Variants in MYO1F observed in about 807,000 individuals in gnomAD.
The protein encoded by MYO1F is unconventional myosin-If.
A neutral mutation model predicts 146.6 loss-of-function variants in MYO1F; 60 were observed. The observed-to-expected ratio is 0.41, with a 90% CI of 0.33 to 0.51. MYO1F has a LOEUF of 0.51. MYO1F is among the 20% of genes least tolerant of loss of function. The probability of loss-of-function intolerance (pLI) is 0.25; values close to 1 mark genes in which losing one functional copy is unlikely to be tolerated. For missense variants in MYO1F, 1,274 were observed against 1,534.3 expected, an observed-to-expected ratio of 0.83 and a Z score of 2.83; for synonymous variants, 602 against 602.1, an observed-to-expected ratio of 1.00 and a Z score of 0.00.
At chr19:8,573,913 T>C (rs958206398) in intron 1 of MYO1F, among the ~76,000 whole-genome samples, 3 of 151,956 alleles carry the variant, frequency 2.0e-5, no homozygotes, top group Non-Finnish European at 4.4e-5. Flanking sequence ...CAACTACCAT[T>C]AGCAACCACA....
chr19:8,575,345 G>A (rs1347953813), intron 1 of MYO1F, among the ~76,000 whole-genome samples: 1 of 151,938 alleles, frequency 6.6e-6, no homozygotes, highest in Admixed American at 6.6e-5. Flanking sequence ...AAAGTGCTAG[G>A]ATTACAGGTG....
intron 24 of MYO1F, among the ~76,000 whole-genome samples, 153 bp downstream of exon 24, chr19:8,526,300 C>T (rs552572381): frequency 1.2e-4 from 18 of 152,286 alleles, no homozygotes; most frequent in Admixed American, 9.2e-4. Context: ...ACACTCCAGC[C>T]TGGGCGACAG....
chr19:8,548,449 C>CT, intron 10 of MYO1F, 132 bp from the exon 11 acceptor site: 1 of 803,264 alleles, frequency 1.2e-6, no homozygotes, highest in South Asian at 1.5e-5. Context: ...CTCCAGCCCT[C>CT]TTTAGCTCTG....
intron 1 of MYO1F, among the ~76,000 whole-genome samples, chr19:8,560,183 A>C (rs1974025443): frequency 6.6e-6 from 1 of 150,958 alleles, no homozygotes; most frequent in East Asian, 2.0e-4. Flanking sequence ...GGTCTATTCA[A>C]CAGCAAAGAA....
intron 1 of MYO1F, among the ~76,000 whole-genome samples, chr19:8,570,534 T>C (rs2042089205): frequency 6.6e-6 from 1 of 151,778 alleles, no homozygotes; most frequent in Non-Finnish European, 1.5e-5. Flanking sequence ...ACCTGGCTAA[T>C]TTTTGTGTTT....
At chr19:8,522,319 G>C (rs1438947663) in intron 27 of MYO1F, 58 bp downstream of exon 27, 7 of 1,609,272 alleles carry the variant, frequency 4.3e-6, no homozygotes, top group Non-Finnish European at 5.9e-6. Flanking sequence ...ACCGCGCCCG[G>C]CCGATGTCAG....
intron 4 of MYO1F, among the ~76,000 whole-genome samples, chr19:8,553,894 A>ACACACACTCTCTCTCTCTCT: frequency 1.6e-4 from 16 of 102,668 alleles, no homozygotes; most frequent in Middle Eastern, 4.7e-3. Context: ...ACACACACAC[A>ACACACACTCTCTCTCTCTCT]CTCTCTCTCT....
intron 16 of MYO1F, among the ~76,000 whole-genome samples, chr19:8,537,690 T>A (rs1972787333): frequency 6.6e-6 from 1 of 152,116 alleles, no homozygotes; most frequent in Non-Finnish European, 1.5e-5. Flanking sequence ...CACCTCTGGC[T>A]CCCAAGGTGT....
At chr19:8,540,145 A>G in intron 15 of MYO1F, 117 bp from the exon 16 acceptor site, 2 of 758,186 alleles carry the variant, frequency 2.6e-6, no homozygotes, top group Non-Finnish European at 4.3e-6. Context: ...CTCAATGTGG[A>G]GGGGAGCTGT....
intron 1 of MYO1F, 52 bp from the exon 2 acceptor site, chr19:8,555,848 C>T: frequency 6.4e-7 from 1 of 1,561,720 alleles, no homozygotes; most frequent in Non-Finnish European, 8.7e-7. Context: ...GATGCGGCAC[C>T]TGGCTCACCG....
intron 1 of MYO1F, among the ~76,000 whole-genome samples, chr19:8,572,717 A>AG (rs1392068098): frequency 1.3e-5 from 2 of 152,050 alleles, no homozygotes; most frequent in African/African-American, 4.8e-5. Context: ...TTGTTTAGAA[A>AG]CAGAGTCTGT....
intron 1 of MYO1F, among the ~76,000 whole-genome samples, chr19:8,562,163 CTT>C (rs369094611): frequency 6.9e-6 from 1 of 145,476 alleles, no homozygotes; most frequent in Admixed American, 6.9e-5. Context: ...CTAATTTTTT[CTT>C]TTTTTTTTTG....
At chr19:8,558,971 G>A (rs530899226) in intron 1 of MYO1F, among the ~76,000 whole-genome samples, 106 of 152,074 alleles carry the variant, frequency 7.0e-4, no homozygotes, top group Middle Eastern at 3.4e-3. Context: ...CTCTGCCTGC[G>A]GGGCTCAAGC....
intron 19 of MYO1F, among the ~76,000 whole-genome samples, chr19:8,532,949 C>CACACAA (rs1568337800): frequency 8.6e-5 from 12 of 139,386 alleles, no homozygotes; most frequent in African/African-American, 3.2e-4. Context: ...CACACACACA[C>CACACAA]AATTGGGCTT....
Position 8,555,664 on chromosome 19 carries a change from T to C in MYO1F, c.136A>G (p.Ile46Val), listed in dbSNP as rs527980814. 2.1e-5 allele frequency: 34 copies of C among 1,614,092 alleles called. No individual in the cohort carries two copies. The South Asian group carries it at 3.2e-4, about 15-fold the overall frequency. ...NLRKRFMDDY[I>V]FTYIGSVLIS... ...CCAGCCTTGGCCCAGGGTACGAAGA[T>C]GTAGTCGTCCATGAAGCGCTTCCGG... The change falls in exon 2 of 28, where the codon ATC (isoleucine) becomes GTC (valine). Residue 46 changes from isoleucine (I) to valine (V), a missense_variant. By Grantham distance (29) the Ile-to-Val change is conservative (BLOSUM62 3). Coordinates refer to ENST00000644032, the MANE Select transcript of MYO1F (RefSeq NM_012335.4).
chr19:8,526,621 C>T lies in MYO1F; in HGVS notation c.2622-20G>A, dbSNP rs1192544672. 6.3e-7 allele frequency: 1 copy of T among 1,576,944 alleles called. No individual in the cohort carries two copies. The highest frequency in any genetic ancestry group is 8.6e-7 in the Non-Finnish European group (1 of 1,162,650). On this transcript the variant is annotated intron_variant, in intron 23 of 27. Transcript: ENST00000644032. ...TGTAGTCTATGGGGAGAGAAGAAAG[C>T]TTGGGGGCGCTGGCTGAGGTCCCCC...
At chr19:8,544,144 G>C in intron 14 of MYO1F, 153 bp downstream of exon 14, 1 of 849,054 alleles carries the variant, frequency 1.2e-6, no homozygotes, top group East Asian at 2.5e-5. Context: ...TTAGTAGGGG[G>C]TGGATTGAGG....
intron 16 of MYO1F, among the ~76,000 whole-genome samples, chr19:8,539,147 G>A (rs1972850349): frequency 6.6e-6 from 1 of 152,030 alleles, no homozygotes; most frequent in Non-Finnish European, 1.5e-5. Flanking sequence ...GAGCGCGGTG[G>A]CTCACACCTG....
intron 1 of MYO1F, among the ~76,000 whole-genome samples, chr19:8,574,621 CTTT>C (rs1568381539): frequency 0.011 from 619 of 58,784 alleles, 3 homozygotes; most frequent in East Asian, 0.028. Flanking sequence ...TTCTTTCTTT[CTTT>C]CTTTCTTTCT....
Sources: gnomAD v4.1 joint callset for allele counts (sites outside exome capture counted in the v4.1 genomes callset) on GRCh38, gnomAD v4.1.1 for gene constraint, MANE v1.5 for transcripts, NCBI Gene and HGNC (gene_info 2026-07-23, HGNC 2026-07-21) for gene names.